TUSC3: variants seen among roughly 807,000 people sequenced by gnomAD.
The protein encoded by TUSC3 is dolichyl-diphosphooligosaccharide--protein glycosyltransferase subunit TUSC3.
In TUSC3, 45 loss-of-function variants were observed where a neutral mutation model predicts 44.8. That is an observed-to-expected ratio of 1.00 (90% CI 0.79 to 1.29). The LOEUF (loss-of-function observed/expected upper bound fraction) is 1.29. Among genes scored for constraint, TUSC3 ranks in the 50% most tolerant of loss-of-function variants. The pLI, the probability that TUSC3 is intolerant of heterozygous loss-of-function variation, is 0.00. For missense variants in TUSC3, 519 were observed against 437.9 expected (o/e 1.19, Z -1.65); for synonymous variants, 212 against 152.9 (o/e 1.39, Z -2.85).
intron 2 of TUSC3, among the ~76,000 whole-genome samples, chr8:15,523,632 T>G (rs2129129804): frequency 1.1e-5 from 1 of 92,074 alleles, no homozygotes; most frequent in Non-Finnish European, 2.2e-5. Flanking sequence ...TAAAAATCCT[T>G]TAAAAACATA....
chr8:15,566,528 T>C (rs1003518536), intron 1 of TUSC3, among the ~76,000 whole-genome samples: 2 of 151,954 alleles, frequency 1.3e-5, no homozygotes, highest in Non-Finnish European at 2.9e-5. Context: ...AGGAAAAAAG[T>C]TTACCACTTT....
At chr8:15,781,174 C>G in the TUSC3 span, among the ~76,000 whole-genome samples, 1 of 152,180 alleles carries the variant, frequency 6.6e-6, no homozygotes, top group Non-Finnish European at 1.5e-5. Context: ...GCTGTCTGAG[C>G]ACAGGTGCAG....
chr8:15,442,237 T>C (rs753300923), intron 1 of TUSC3, among the ~76,000 whole-genome samples: 28 of 152,178 alleles, frequency 1.8e-4, no homozygotes, highest in Admixed American at 4.6e-4. Context: ...ATACTATTCA[T>C]ACCAATCATG....
At chr8:15,752,533 T>C (rs909137963) in intron 9 of TUSC3, among the ~76,000 whole-genome samples, 3 of 152,134 alleles carry the variant, frequency 2.0e-5, no homozygotes, top group Non-Finnish European at 4.4e-5. Context: ...GATGAGTTTT[T>C]GGGATTTTTT....
chr8:15,719,144 C>G (rs541774046), intron 6 of TUSC3, among the ~76,000 whole-genome samples: 1 of 152,232 alleles, frequency 6.6e-6, no homozygotes, highest in Non-Finnish European at 1.5e-5. Context: ...GTTCATGTCA[C>G]TCTTCTTACA....
At chr8:15,522,369 A>G (rs1437275562) in intron 2 of TUSC3, among the ~76,000 whole-genome samples, 2 of 152,038 alleles carry the variant, frequency 1.3e-5, no homozygotes, top group Non-Finnish European at 2.9e-5. Context: ...GGTAGCTGGC[A>G]TTACAGGCCT....
At chr8:15,667,985 A>T (rs952130871) in intron 5 of TUSC3, among the ~76,000 whole-genome samples, 1 of 151,696 alleles carries the variant, frequency 6.6e-6, no homozygotes, top group Non-Finnish European at 1.5e-5. Context: ...TCAGCTCACC[A>T]CAGGGCTATG....
intron 1 of TUSC3, among the ~76,000 whole-genome samples, chr8:15,435,898 C>T (rs1253266316): frequency 6.6e-6 from 1 of 152,080 alleles, no homozygotes; most frequent in Non-Finnish European, 1.5e-5. Context: ...GTGGCTTAAA[C>T]AGTATTTTTA....
At chr8:15,487,899 AT>A (rs11307186) in intron 2 of TUSC3, among the ~76,000 whole-genome samples, 43,852 of 138,320 alleles carry the variant, frequency 0.32, 7,004 homozygotes, top group East Asian at 0.47. Context: ...TGTGCTGGCA[AT>A]TTTTTTTTTT....
chr8:15,433,764 T>C (rs1799909519), intron 1 of TUSC3, among the ~76,000 whole-genome samples: 1 of 152,226 alleles, frequency 6.6e-6, no homozygotes, highest in African/African-American at 2.4e-5. Context: ...TTGTGTGTTT[T>C]AGTTATTTAT....
chr8:15,704,781 T>A (rs1352445034), intron 6 of TUSC3, among the ~76,000 whole-genome samples: 1 of 152,066 alleles, frequency 6.6e-6, no homozygotes, highest in Non-Finnish European at 1.5e-5. Context: ...GCTCCTATAT[T>A]GACCCTGACG....
At chr8:15,559,311 T>C (rs201454019) in intron 1 of TUSC3, among the ~76,000 whole-genome samples, 2,016 of 135,312 alleles carry the variant, frequency 0.015, 77 homozygotes, top group African/African-American at 0.045. Context: ...AGTTGAGCAG[T>C]TTTGAGTGAG....
intron 6 of TUSC3, among the ~76,000 whole-genome samples, chr8:15,700,728 G>T (rs2129195053): frequency 6.6e-6 from 1 of 152,192 alleles, no homozygotes; most frequent in Non-Finnish European, 1.5e-5. Context: ...TGAAGAAAGA[G>T]TGGTGTTGGG....
intron 1 of TUSC3, among the ~76,000 whole-genome samples, chr8:15,588,434 G>A (rs930477719): frequency 1.3e-5 from 2 of 151,922 alleles, no homozygotes; most frequent in African/African-American, 4.8e-5. Context: ...TGAGGTGTTC[G>A]AGTTCTTGTA....
intron 1 of TUSC3, among the ~76,000 whole-genome samples, chr8:15,583,542 A>G (rs1219754484): frequency 6.6e-6 from 1 of 152,206 alleles, no homozygotes; most frequent in African/African-American, 2.4e-5. Context: ...TTGTAGCTCC[A>G]GAGAGCAAAA....
intron 1 of TUSC3, among the ~76,000 whole-genome samples, chr8:15,432,175 A>G (rs1247831986): frequency 1.3e-5 from 2 of 152,018 alleles, no homozygotes; most frequent in African/African-American, 4.8e-5. Flanking sequence ...AAGAGTTGAG[A>G]AAGTGTGGCA....
chr8:15,843,364 C>G, the TUSC3 span, among the ~76,000 whole-genome samples: 2 of 152,066 alleles, frequency 1.3e-5, no homozygotes, highest in Non-Finnish European at 2.9e-5. Context: ...TGTCACAAGA[C>G]ACAATACCAT....
intron 1 of TUSC3, among the ~76,000 whole-genome samples, chr8:15,569,896 T>C (rs544018681): frequency 3.1e-4 from 46 of 147,120 alleles, no homozygotes; most frequent in African/African-American, 1.1e-3. Flanking sequence ...GTGCTGCTTA[T>C]TTCTCTAATT....
Position 15,477,819 on chromosome 8 carries a change from T to A in TUSC3, n.92-5567T>A, listed in dbSNP as rs117074420. Among the ~76,000 whole-genome samples, 50 of 152,336 alleles carry A rather than the reference T, an allele frequency of 3.3e-4. No individual in the cohort carries two copies. In the East Asian group the frequency reaches 9.5e-3, roughly 29 times the overall value. On this transcript the variant is annotated intron_variant and non_coding_transcript_variant, in intron 1 of 5. Coordinates refer to the TUSC3 transcript ENST00000503191. ...CAAAGAATTCTACATGTGATGGTATTGAATAGATTATGTCCTTGCTTTCCT... is the reference window on the plus strand; with the variant it reads ...CAAAGAATTCTACATGTGATGGTATAGAATAGATTATGTCCTTGCTTTCCT...
Sources: gnomAD v4.1 joint callset for allele counts (sites outside exome capture counted in the v4.1 genomes callset) on GRCh38, gnomAD v4.1.1 for gene constraint, MANE v1.5 for transcripts, NCBI Gene and HGNC (gene_info 2026-07-23, HGNC 2026-07-21) for gene names.